ATP8A2: variants seen among roughly 807,000 people sequenced by gnomAD.
The protein encoded by ATP8A2 is ATPase phospholipid transporting 8A2.
In ATP8A2, 100 loss-of-function variants were observed where a neutral mutation model predicts 165.6. That is an observed-to-expected ratio of 0.60 (90% CI 0.51 to 0.71). ATP8A2 has a LOEUF of 0.71. Ranked by LOEUF, ATP8A2 falls within the 30% of genes least tolerant of loss-of-function variation. The pLI, the probability that ATP8A2 is intolerant of heterozygous loss-of-function variation, is 0.00. For missense variants in ATP8A2, 1,227 were observed against 1,479.5 expected, an observed-to-expected ratio of 0.83 and a Z score of 2.80; for synonymous variants, 543 against 548.8, an observed-to-expected ratio of 0.99 and a Z score of 0.15.
At chr13:25,839,648 G>C (rs1593430524) in intron 30 of ATP8A2, 24 bp downstream of exon 30, 1 of 1,600,448 alleles carries the variant, frequency 6.2e-7, no homozygotes, top group Non-Finnish European at 8.6e-7. Flanking sequence ...GATTTCACCT[G>C]TCAGCAAGGA....
At chr13:25,407,686 T>C (rs1336255319) in intron 1 of ATP8A2, among the ~76,000 whole-genome samples, 4 of 152,170 alleles carry the variant, frequency 2.6e-5, no homozygotes. Flanking sequence ...AGACTGCACA[T>C]GAGGAAACAA....
chr13:25,964,021 G>C (rs1311726517), intron 34 of ATP8A2, among the ~76,000 whole-genome samples: 2 of 152,248 alleles, frequency 1.3e-5, no homozygotes, highest in Non-Finnish European at 1.5e-5. Context: ...TGCAGTGGAG[G>C]TGCCCGCAGG....
chr13:25,678,377 C>T (rs572058967), intron 24 of ATP8A2, among the ~76,000 whole-genome samples: 39 of 152,032 alleles, frequency 2.6e-4, no homozygotes, highest in Admixed American at 7.2e-4. Context: ...AGGATATGGC[C>T]GGGAGTATTG....
At chr13:25,678,640 T>G (rs1250693041) in intron 24 of ATP8A2, among the ~76,000 whole-genome samples, 1 of 152,172 alleles carries the variant, frequency 6.6e-6, no homozygotes, top group Non-Finnish European at 1.5e-5. Context: ...ACACGTGTTA[T>G]GCAGCAGAGA....
At chr13:25,440,586 C>T (rs1188984075) in intron 1 of ATP8A2, among the ~76,000 whole-genome samples, 1 of 152,170 alleles carries the variant, frequency 6.6e-6, no homozygotes, top group East Asian at 1.9e-4. Flanking sequence ...GGACCGAACA[C>T]CATGCCTCTC....
At chr13:25,675,701 A>G (rs76322097) in intron 24 of ATP8A2, among the ~76,000 whole-genome samples, 17 of 152,320 alleles carry the variant, frequency 1.1e-4, no homozygotes, top group African/African-American at 3.6e-4. Context: ...TGTATTTCAG[A>G]GAGTGAACAT....
At chr13:25,595,491 T>C (rs1390529247) in intron 24 of ATP8A2, among the ~76,000 whole-genome samples, 2 of 152,172 alleles carry the variant, frequency 1.3e-5, no homozygotes, top group Admixed American at 6.6e-5. Flanking sequence ...GCATTACCCA[T>C]TGAGAAGGAA....
chr13:25,422,918 T>C (rs187154028), intron 1 of ATP8A2, among the ~76,000 whole-genome samples: 11 of 152,330 alleles, frequency 7.2e-5, no homozygotes, highest in African/African-American at 2.6e-4. Context: ...TTGTGCATGG[T>C]TGTGGTTTTT....
intron 24 of ATP8A2, among the ~76,000 whole-genome samples, chr13:25,617,544 T>G (rs775875951): frequency 6.6e-6 from 1 of 152,202 alleles, no homozygotes. Flanking sequence ...TGAAAACTGA[T>G]TCATCTGACA....
rs111986812 is a variant in ATP8A2 at position 25,418,983 on chromosome 13, G to A, written c.76+46695G>A. The stretch of plus-strand genomic sequence containing the variant: ...ATTCTTAAGGTAGTGGGCTGGAAGA[G>A]GGGGAAAAAAGGAAGAGAAGGGAGG... On this transcript the variant is annotated intron_variant, in intron 1 of 36. Coordinates refer to ENST00000381655, the MANE Select transcript of ATP8A2 (RefSeq NM_016529.6). Among the ~76,000 whole-genome samples the A allele has an allele frequency of 3.2e-3, 485 of 152,200 alleles. 5 individuals carry two copies. The highest frequency in any genetic ancestry group is 0.011 in the African/African-American group (442 of 41,542).
At chr13:25,887,947 A>G (rs1953211264) in intron 33 of ATP8A2, among the ~76,000 whole-genome samples, 5 of 152,146 alleles carry the variant, frequency 3.3e-5, no homozygotes, top group Admixed American at 3.3e-4. Flanking sequence ...TGAATAATCT[A>G]GAAATTCATT....
intron 27 of ATP8A2, among the ~76,000 whole-genome samples, chr13:25,813,474 A>G (rs562967516): frequency 1.3e-5 from 2 of 148,406 alleles, no homozygotes; most frequent in Admixed American, 6.8e-5. Context: ...ATATGGTGAT[A>G]TGATCTGATG....
In ATP8A2 at chr13:25,480,714, G is replaced by A. The variant is rs868216491; in HGVS notation, c.221+11593G>A. Among the ~76,000 whole-genome samples the A allele has an allele frequency of 7.1e-3, 1,080 of 151,512 alleles. 12 individuals carry two copies. Among genetic ancestry groups the A allele is most frequent in the African/African-American group, 0.023 (945 of 41,194 alleles). ...GGGGCTCCTCACATCCCAGACGATG[G>A]GTGGCCAGGCAGAGACGCTCCTCAC... On this transcript the variant is annotated intron_variant, in intron 2 of 36. Transcript: ENST00000381655.
At chr13:25,743,488 G>T (rs749904879) in intron 25 of ATP8A2, among the ~76,000 whole-genome samples, 11 of 152,196 alleles carry the variant, frequency 7.2e-5, no homozygotes, top group Admixed American at 3.9e-4. Flanking sequence ...CAGAGTGGTG[G>T]ATGGTCCAGT....
chr13:25,877,040 A>G (rs368925259), intron 33 of ATP8A2, among the ~76,000 whole-genome samples: 21 of 152,332 alleles, frequency 1.4e-4, no homozygotes, highest in South Asian at 4.1e-4. Flanking sequence ...TTAAAAAAAA[A>G]AACTAATCCT....
chr13:25,650,978 G>T (rs7331707), intron 24 of ATP8A2, among the ~76,000 whole-genome samples: 1 of 151,976 alleles, frequency 6.6e-6, no homozygotes, highest in African/African-American at 2.4e-5. Context: ...TTGGATTATG[G>T]TACCACAGTT....
At chr13:25,493,946 G>C (rs1173473517) in intron 2 of ATP8A2, among the ~76,000 whole-genome samples, 1 of 152,106 alleles carries the variant, frequency 6.6e-6, no homozygotes, top group Non-Finnish European at 1.5e-5. Flanking sequence ...TTATCAATAG[G>C]GTGGAAAGAG....
At chr13:25,960,928 A>G (rs1054590379) in intron 33 of ATP8A2, among the ~76,000 whole-genome samples, 1 of 152,048 alleles carries the variant, frequency 6.6e-6, no homozygotes, top group Admixed American at 6.5e-5. Context: ...ACCCATCTCT[A>G]GCTACTGAAA....
chr13:25,372,296 G>A lies in ATP8A2; in HGVS notation c.76+8G>A, dbSNP rs894852745. On this transcript the variant is annotated splice_region_variant and intron_variant, in intron 1 of 36. Transcript: ENST00000381655. The surrounding 1 kb of genome is among the most constrained non-coding windows in gnomAD (Gnocchi z 4.8). Reference sequence around the variant, plus strand: ...GGATCCGCTCGTCCGTGGGTGAGCTGGGAGGGGCGCGGCGAGGGAGGGTGG... The same window carrying A: ...GGATCCGCTCGTCCGTGGGTGAGCTAGGAGGGGCGCGGCGAGGGAGGGTGG... 1 of 1,470,968 alleles carries A rather than the reference G, an allele frequency of 6.8e-7. No individual in the cohort carries two copies. The highest frequency in any genetic ancestry group is 1.3e-5 in the South Asian group (1 of 77,310). 91.1% of individuals were successfully genotyped at this position (1,470,968 alleles called of 1,614,324 possible).
Sources: allele counts gnomAD v4.1 joint callset (sites outside exome capture counted in the v4.1 genomes callset), GRCh38; gene constraint gnomAD v4.1.1; non-coding constraint Gnocchi (gnomAD v3.1); transcripts MANE v1.5; gene names NCBI Gene and HGNC (gene_info 2026-07-23, HGNC 2026-07-21).